The following KANK4 variants were observed in gnomAD, a reference collection of about 807,000 sequenced individuals.
KANK4 encodes KN motif and ankyrin repeat domain-containing protein 4.
KANK4 carries 50 observed loss-of-function variants against 80.8 expected under a neutral mutation model. That is an observed-to-expected ratio of 0.62 (90% CI 0.49 to 0.78). The LOEUF is 0.78. KANK4 is among the 30% of genes least tolerant of loss of function. The pLI is 0.00. For missense variants in KANK4, 1,196 were observed against 1,240.1 expected, an observed-to-expected ratio of 0.96 and a Z score of 0.53; for synonymous variants, 465 against 506.9, an observed-to-expected ratio of 0.92 and a Z score of 1.11.
chr1:62,286,255 C>A (rs1235566354), intron 1 of KANK4, among the ~76,000 whole-genome samples: 1 of 152,238 alleles, frequency 6.6e-6, no homozygotes, highest in Non-Finnish European at 1.5e-5. Flanking sequence ...GTCTCCTTCC[C>A]AGAAAGCCAG....
chr1:62,299,576 C>G (rs1557505867), intron 1 of KANK4, among the ~76,000 whole-genome samples: 2 of 152,136 alleles, frequency 1.3e-5, no homozygotes, highest in South Asian at 4.1e-4. Context: ...GGGGCGGGAC[C>G]AGGTTCCAAA....
At position 62,259,940 on chromosome 1, in the gene KANK4, A is replaced by G. The variant is rs1332879893; in HGVS notation, c.2539+3152T>C. Among the ~76,000 whole-genome samples the G allele has an allele frequency of 3.9e-5, 6 of 152,150 alleles. No individual in the cohort carries two copies. In the East Asian group the frequency reaches 1.2e-3, roughly 30 times the overall value. Reference sequence around the variant, plus strand: ...CAGCTTTCCTAAACTCATAGATGACATTTGACCGAGGCCCATGCACTTTCG... The same window carrying G: ...CAGCTTTCCTAAACTCATAGATGACGTTTGACCGAGGCCCATGCACTTTCG... On this transcript the variant is annotated intron_variant, in intron 7 of 9. Transcript: ENST00000371153.
chr1:62,312,466 G>A (rs1471644608), intron 1 of KANK4, among the ~76,000 whole-genome samples: 1 of 152,196 alleles, frequency 6.6e-6, no homozygotes, highest in East Asian at 1.9e-4. Context: ...TTGACCCTAA[G>A]TTAAGAATCT....
intron 2 of KANK4, among the ~76,000 whole-genome samples, chr1:62,278,388 TC>T (rs1557493551): frequency 0.29 from 20,215 of 70,346 alleles, 6,423 homozygotes; most frequent in African/African-American, 0.34. Flanking sequence ...TTTCTTTCTT[TC>T]TTTCTTTCTT....
At chr1:62,275,108 TAA>T (rs761923018) in intron 2 of KANK4, 21 bp from the exon 3 acceptor site, 55 of 1,238,906 alleles carry the variant, frequency 4.4e-5, no homozygotes, top group South Asian at 1.1e-4. Context: ...TAAGACAAGT[TAA>T]AAAAAAAAAG....
chr1:62,288,863 G>A (rs1672625062), intron 1 of KANK4, among the ~76,000 whole-genome samples: 1 of 152,198 alleles, frequency 6.6e-6, no homozygotes, highest in African/African-American at 2.4e-5. Context: ...ATTGCCAAAT[G>A]AGGAAGTGGT....
intron 7 of KANK4, among the ~76,000 whole-genome samples, chr1:62,253,554 C>T (rs984935945): frequency 2.0e-5 from 3 of 146,442 alleles, no homozygotes; most frequent in East Asian, 4.1e-4. Context: ...GGATTACAGG[C>T]GTGCGCCACC....
chr1:62,296,015 C>G (rs1344740361), intron 1 of KANK4, among the ~76,000 whole-genome samples: 1 of 152,226 alleles, frequency 6.6e-6, no homozygotes, highest in East Asian at 1.9e-4. Flanking sequence ...GGCACGACTC[C>G]TCTGTAAACC....
chr1:62,251,991 C>A lies in KANK4; in HGVS notation c.2682+1076G>T, dbSNP rs78250492. Among the ~76,000 whole-genome samples, 1,068 of 125,324 alleles carry A rather than the reference C, an allele frequency of 8.5e-3. 1 individual carries two copies. The highest frequency in any genetic ancestry group is 0.012 in the African/African-American group (378 of 32,072). 82.2% of individuals were successfully genotyped at this position (125,324 alleles called of 152,430 possible). On this transcript the variant is annotated intron_variant, in intron 8 of 9. Coordinates refer to ENST00000371153, the MANE Select transcript of KANK4 (RefSeq NM_181712.5). ...TGGGTGACAGAGTGAGACTCCGTTT[C>A]AAAAAAAAAAAAAAAAGATTCAGAG...
At chr1:62,250,240 G>A (rs923045377) in intron 8 of KANK4, among the ~76,000 whole-genome samples, 4 of 152,074 alleles carry the variant, frequency 2.6e-5, no homozygotes, top group East Asian at 3.9e-4. Flanking sequence ...AGCCCGCCTC[G>A]GCCTCCCAAA....
intron 1 of KANK4, among the ~76,000 whole-genome samples, chr1:62,289,772 C>G (rs1672643312): frequency 6.6e-6 from 1 of 152,086 alleles, no homozygotes; most frequent in African/African-American, 2.4e-5. Flanking sequence ...CATAATTCTG[C>G]CACCTGGCTA....
At chr1:62,317,378 G>A (rs1644550250) in intron 1 of KANK4, among the ~76,000 whole-genome samples, 1 of 152,196 alleles carries the variant, frequency 6.6e-6, no homozygotes, top group Admixed American at 6.5e-5. Flanking sequence ...TGGGCTGTCT[G>A]ACCAAGGTGC....
At chr1:62,275,832 AAG>A (rs1458324439) in intron 2 of KANK4, among the ~76,000 whole-genome samples, 1 of 138,932 alleles carries the variant, frequency 7.2e-6, no homozygotes, top group Non-Finnish European at 1.6e-5. Flanking sequence ...GAAAGAGAGA[AAG>A]AGAGAGAGAG....
At chr1:62,276,361 G>T (rs961273802) in intron 2 of KANK4, among the ~76,000 whole-genome samples, 4 of 152,206 alleles carry the variant, frequency 2.6e-5, no homozygotes, top group African/African-American at 9.7e-5. Flanking sequence ...AGAGTACAGA[G>T]GTTCAGAATA....
At chr1:62,281,791 C>T (rs1672457138) in intron 1 of KANK4, among the ~76,000 whole-genome samples, 157 bp from the exon 2 acceptor site, 1 of 152,172 alleles carries the variant, frequency 6.6e-6, no homozygotes, top group Non-Finnish European at 1.5e-5. Context: ...AAAACCTGTA[C>T]ACATTTCTAG....
intron 3 of KANK4, 123 bp downstream of exon 3, chr1:62,273,081 G>T: frequency 1.5e-6 from 1 of 665,952 alleles, no homozygotes; most frequent in Non-Finnish European, 2.3e-6. Context: ...CTGAGCCACT[G>T]CTCCCAGCTG....
intron 7 of KANK4, among the ~76,000 whole-genome samples, chr1:62,254,136 A>G (rs982504): frequency 0.8 from 121,302 of 152,114 alleles, 48,549 homozygotes; most frequent in African/African-American, 0.84. Flanking sequence ...AAATCTTCTA[A>G]GAACAACCAT....
intron 1 of KANK4, among the ~76,000 whole-genome samples, chr1:62,288,515 A>G (rs929879491): frequency 6.6e-6 from 1 of 152,218 alleles, no homozygotes; most frequent in Admixed American, 6.5e-5. Context: ...CTCTCTGAGC[A>G]GACTGGTCAC....
intron 6 of KANK4, among the ~76,000 whole-genome samples, chr1:62,265,697 A>G (rs1272345202): frequency 1.3e-5 from 2 of 152,234 alleles, no homozygotes; most frequent in Non-Finnish European, 2.9e-5. Flanking sequence ...AAAAATGCTT[A>G]CGGGTTGTTC....
Sources: allele counts gnomAD v4.1 joint callset (sites outside exome capture counted in the v4.1 genomes callset), GRCh38; gene constraint gnomAD v4.1.1; transcripts MANE v1.5; gene names NCBI Gene and HGNC (gene_info 2026-07-23, HGNC 2026-07-21).